Variants in DCHS2 observed in about 807,000 individuals in gnomAD.
DCHS2 encodes dachsous cadherin-related 2.
In DCHS2, 142 loss-of-function variants were observed where a neutral mutation model predicts 182.4. That is an observed-to-expected ratio of 0.78 (90% CI 0.68 to 0.89). DCHS2 has a LOEUF of 0.89. Ranked by LOEUF, DCHS2 falls within the 40% of genes least tolerant of loss-of-function variation. The pLI, the probability that DCHS2 is intolerant of heterozygous loss-of-function variation, is 0.00. For missense variants in DCHS2, 4,319 were observed against 4,198.6 expected (o/e 1.03, Z -0.79); for synonymous variants, 1,740 against 1,663.3 (o/e 1.05, Z -1.12).
Position 154,490,138 on chromosome 4 carries a change from C to T in DCHS2, c.1218G>A (p.Val406=), listed in dbSNP as rs1307711432. 6.5e-7 allele frequency: 1 copy of T among 1,548,082 alleles called. No individual in the cohort carries two copies. The highest frequency in any genetic ancestry group is 2.5e-5 in the East Asian group (1 of 40,810). ...TVRVSIAVLD[V]NDNRPAIHVL... Reference sequence around the variant, plus strand: ...CGTGAATTGCTGGCCGGTTGTCATTCACGTCCAGCACGGCGATGGACACGC... The same window carrying T: ...CGTGAATTGCTGGCCGGTTGTCATTTACGTCCAGCACGGCGATGGACACGC... Residue 406 remains valine (V), a synonymous_variant, in exon 1 of 20, where the codon GTG becomes GTA. Coordinates refer to ENST00000357232, the MANE Select transcript of DCHS2 (RefSeq NM_001358235.2).
In DCHS2 at chr4:154,335,024, C is replaced by A. The variant is rs755651982; in HGVS notation, c.2557G>T (p.Gly853Trp). 6.2e-7 allele frequency: 1 copy of A among 1,614,002 alleles called. No homozygotes were observed. The highest frequency in any genetic ancestry group is 8.5e-7 in the Non-Finnish European group (1 of 1,179,934). ...SLMVSAQDGG[G>W]LTAVINADVT... ...TCGGCATTAATGACAGCTGTGAGCC[C>A]ACCACCGTCTTGAGCAGAGACCATC... is the stretch of plus-strand genomic sequence containing the variant. Residue 853 changes from glycine to tryptophan, a missense_variant, in exon 4 of 20, where the codon GGG (glycine) becomes TGG (tryptophan). Gly to Trp is a radical substitution (Grantham distance 184). Transcript: ENST00000357232.
intron 13 of DCHS2, among the ~76,000 whole-genome samples, chr4:154,288,962 C>T (rs1294761436): frequency 1.3e-4 from 20 of 151,704 alleles, no homozygotes; most frequent in Non-Finnish European, 2.9e-5. Flanking sequence ...TAAGTGCCTA[C>T]ATCAAAAAAG....
chr4:154,436,133 G>A (rs1387378794), intron 1 of DCHS2, among the ~76,000 whole-genome samples: 1 of 152,058 alleles, frequency 6.6e-6, no homozygotes, highest in East Asian at 1.9e-4. Context: ...GAACTAACCT[G>A]CCCTCTACCT....
chr4:154,351,349 A>G (rs908233526), intron 3 of DCHS2, among the ~76,000 whole-genome samples: 5 of 152,198 alleles, frequency 3.3e-5, no homozygotes, highest in Non-Finnish European at 7.3e-5. Context: ...AGCATATTCA[A>G]ATACTTGCCA....
At chr4:154,461,117 G>A (rs1417799067) in intron 1 of DCHS2, among the ~76,000 whole-genome samples, 1 of 152,136 alleles carries the variant, frequency 6.6e-6, no homozygotes, top group Non-Finnish European at 1.5e-5. Flanking sequence ...GCCCCAAAGA[G>A]GACTCAGGCA....
intron 9 of DCHS2, 67 bp from the exon 10 acceptor site, chr4:154,316,054 C>G: frequency 6.3e-7 from 1 of 1,581,426 alleles, no homozygotes; most frequent in Non-Finnish European, 8.6e-7. Context: ...GCTTACTCCA[C>G]TTATATCTAA....
intron 5 of DCHS2, among the ~76,000 whole-genome samples, chr4:154,331,085 T>C (rs1736500944): frequency 6.6e-6 from 1 of 152,040 alleles, no homozygotes; most frequent in Non-Finnish European, 1.5e-5. Flanking sequence ...AGGGGGTGTG[T>C]CTCCCAGGCT....
At chr4:154,322,680 AC>A (rs1175827280) in intron 7 of DCHS2, 192 bp from the exon 8 acceptor site, 18 of 716,450 alleles carry the variant, frequency 2.5e-5, no homozygotes, top group Non-Finnish European at 3.3e-5. Context: ...GAAAATGCAT[AC>A]AAAAAAGTGG....
intron 2 of DCHS2, chr4:154,374,467 A>G (rs1475615137): frequency 6.6e-6 from 1 of 152,306 alleles, no homozygotes; most frequent in African/African-American, 2.4e-5. Flanking sequence ...TTGGGCTTCA[A>G]ATAATTACAT....
chr4:154,366,157 G>T, intron 3 of DCHS2, 53 bp downstream of exon 3: 2 of 1,463,946 alleles, frequency 1.4e-6, no homozygotes, highest in East Asian at 2.3e-5. Flanking sequence ...CTGTTAAGTA[G>T]TTAAGCAGAA....
At chr4:154,374,902 G>A (rs551533390) in intron 2 of DCHS2, among the ~76,000 whole-genome samples, 4 of 152,284 alleles carry the variant, frequency 2.6e-5, no homozygotes, top group South Asian at 2.1e-4. Context: ...GGTGTGTATA[G>A]TAGGCCACCT....
chr4:154,367,123 A>G (rs6837944), intron 2 of DCHS2, among the ~76,000 whole-genome samples: 2,834 of 152,298 alleles, frequency 0.019, 84 homozygotes, highest in African/African-American at 0.062. Flanking sequence ...GCAGCAAGGA[A>G]GCAGGAAGGG....
At chr4:154,238,284 AC>A (rs1309705990) in intron 19 of DCHS2, among the ~76,000 whole-genome samples, 3 of 152,024 alleles carry the variant, frequency 2.0e-5, no homozygotes, top group African/African-American at 7.2e-5. Flanking sequence ...CATTTACAAC[AC>A]CCGGTGGGCT....
intron 4 of DCHS2, chr4:154,333,874 C>T (rs1728638987): frequency 4.9e-6 from 1 of 202,352 alleles, no homozygotes; most frequent in Non-Finnish European, 1.0e-5. Flanking sequence ...AGGCATTTCT[C>T]AAAACATTTC....
intron 13 of DCHS2, 73 bp downstream of exon 13, chr4:154,297,778 G>C: frequency 6.5e-7 from 1 of 1,527,598 alleles, no homozygotes; most frequent in South Asian, 1.3e-5. Context: ...TGGCACTCTT[G>C]TAGTATAATC....
intron 1 of DCHS2, among the ~76,000 whole-genome samples, chr4:154,379,549 C>T (rs538458940): frequency 6.6e-6 from 1 of 152,182 alleles, no homozygotes; most frequent in Non-Finnish European, 1.5e-5. Flanking sequence ...CCCAGTGCCA[C>T]TCTACTATAG....
At chr4:154,390,111 A>ATTTTTTTTC (rs1731624067) in intron 1 of DCHS2, among the ~76,000 whole-genome samples, 1 of 148,168 alleles carries the variant, frequency 6.7e-6, no homozygotes, top group African/African-American at 2.5e-5. Flanking sequence ...AAATTTTTTT[A>ATTTTTTTTC]TTTTTTTTCT....
chr4:154,407,447 C>T (rs1732447880), intron 1 of DCHS2, among the ~76,000 whole-genome samples: 1 of 152,210 alleles, frequency 6.6e-6, no homozygotes, highest in African/African-American at 2.4e-5. Context: ...TGAACTATTG[C>T]ATAGCCCTCA....
intron 1 of DCHS2, among the ~76,000 whole-genome samples, chr4:154,403,240 C>T (rs923280133): frequency 6.6e-6 from 1 of 151,882 alleles, no homozygotes; most frequent in East Asian, 1.9e-4. Context: ...TTTCTTTTTC[C>T]TAATCTTAGG....
Sources: allele counts gnomAD v4.1 joint callset (sites outside exome capture counted in the v4.1 genomes callset), GRCh38; gene constraint gnomAD v4.1.1; transcripts MANE v1.5; gene names NCBI Gene and HGNC (gene_info 2026-07-23, HGNC 2026-07-21).